CDK14: variants seen among roughly 807,000 people sequenced by gnomAD.
The protein encoded by CDK14 is cyclin dependent kinase 14.
A neutral mutation model predicts 60.7 loss-of-function variants in CDK14; 34 were observed. The ratio of observed to expected loss-of-function variants is 0.56; its 90% CI spans 0.43 to 0.75. The LOEUF is 0.75. Among genes scored for constraint, CDK14 ranks in the 30% least tolerant of loss-of-function variants. The pLI, the probability that CDK14 is intolerant of heterozygous loss-of-function variation, is 0.00. For synonymous variants in CDK14, 197 were observed against 203.7 expected (o/e 0.97, Z 0.28); for missense variants, 482 against 564.1 (o/e 0.85, Z 1.47).
intron 14 of CDK14, among the ~76,000 whole-genome samples, chr7:91,168,219 G>A (rs537325881): frequency 2.9e-4 from 42 of 147,352 alleles, no homozygotes; most frequent in African/African-American, 8.9e-4. Flanking sequence ...CCGAGACCAT[G>A]CCACTGCATT....
intron 4 of CDK14, among the ~76,000 whole-genome samples, chr7:90,785,445 G>A (rs1805536310): frequency 6.6e-6 from 1 of 152,154 alleles, no homozygotes; most frequent in African/African-American, 2.4e-5. Context: ...TAAGTGGGGA[G>A]TTTTCCTTTA....
intron 10 of CDK14, among the ~76,000 whole-genome samples, chr7:91,001,981 A>G (rs952053337): frequency 2.0e-5 from 3 of 152,228 alleles, no homozygotes; most frequent in Non-Finnish European, 4.4e-5. Flanking sequence ...AAGTTTATTT[A>G]AGGTAAATTC....
intron 10 of CDK14, among the ~76,000 whole-genome samples, chr7:91,036,828 G>T (rs1470045014): frequency 1.3e-5 from 2 of 152,176 alleles, no homozygotes; most frequent in African/African-American, 4.8e-5. Flanking sequence ...TTTTGACTGT[G>T]CATGGGGTTG....
At chr7:90,744,644 C>A in intron 3 of CDK14, among the ~76,000 whole-genome samples, 1 of 147,532 alleles carries the variant, frequency 6.8e-6, no homozygotes, top group South Asian at 2.1e-4. Flanking sequence ...CGGGGGCTGA[C>A]CCCCCCACCT....
At chr7:90,912,782 T>C (rs558883948) in intron 7 of CDK14, among the ~76,000 whole-genome samples, 9 of 152,040 alleles carry the variant, frequency 5.9e-5, no homozygotes, top group Non-Finnish European at 1.2e-4. Flanking sequence ...TAAGTTTTTC[T>C]ATTTTTTTTG....
At chr7:91,011,893 A>G (rs996318679) in intron 10 of CDK14, among the ~76,000 whole-genome samples, 1 of 152,006 alleles carries the variant, frequency 6.6e-6, no homozygotes, top group African/African-American at 2.4e-5. Flanking sequence ...AAAGTCTGTC[A>G]TCTTTGTCAT....
At chr7:90,822,694 A>G (rs757959462) in intron 5 of CDK14, among the ~76,000 whole-genome samples, 1 of 152,344 alleles carries the variant, frequency 6.6e-6, no homozygotes, top group East Asian at 1.9e-4. Flanking sequence ...CTACATTTAC[A>G]TACAATAAAA....
At chr7:90,788,435 C>T (rs1017605982) in intron 4 of CDK14, among the ~76,000 whole-genome samples, 3 of 152,126 alleles carry the variant, frequency 2.0e-5, no homozygotes, top group Non-Finnish European at 4.4e-5. Context: ...AGAGCACAAA[C>T]AGGATTAGAA....
At position 91,147,158 on chromosome 7, in the gene CDK14, TCTCTCACACACA is replaced by T. The variant is rs1260376761; in HGVS notation, c.*28+28952_*28+28963del. Among the ~76,000 whole-genome samples, 57 of 107,630 alleles carry T rather than the reference TCTCTCACACACA, an allele frequency of 5.3e-4. 1 individual carries two copies. The highest frequency in any genetic ancestry group is 1.8e-3 in the African/African-American group (56 of 31,396). 70.6% of individuals were successfully genotyped at this position (107,630 alleles called of 152,430 possible). The stretch of plus-strand genomic sequence containing the variant: ...CTCTCTCTGTCTCTCTCTCTCTCTC[TCTCTCACACACA>T]CACACACACACACACACACACACAC... On this transcript the variant is annotated intron_variant, in intron 14 of 14. Coordinates refer to ENST00000380050, the MANE Select transcript of CDK14 (RefSeq NM_001287135.2).
intron 5 of CDK14, among the ~76,000 whole-genome samples, chr7:90,817,269 T>G (rs1789388600): frequency 6.6e-6 from 1 of 152,176 alleles, no homozygotes; most frequent in Non-Finnish European, 1.5e-5. Flanking sequence ...CATTTATATA[T>G]TTTGGACACA....
intron 5 of CDK14, among the ~76,000 whole-genome samples, chr7:90,820,605 C>T (rs904284752): frequency 6.6e-6 from 1 of 152,146 alleles, no homozygotes; most frequent in Non-Finnish European, 1.5e-5. Context: ...AACTGTGAGT[C>T]AATTAAACCT....
chr7:90,680,983 T>C (rs1037390017), intron 2 of CDK14, among the ~76,000 whole-genome samples: 9 of 152,236 alleles, frequency 5.9e-5, no homozygotes, highest in African/African-American at 2.2e-4. Context: ...TTTTAATGGA[T>C]TCTGTAAAGA....
At chr7:90,817,871 C>G (rs1262404078) in intron 5 of CDK14, among the ~76,000 whole-genome samples, 1 of 152,088 alleles carries the variant, frequency 6.6e-6, no homozygotes, top group African/African-American at 2.4e-5. Flanking sequence ...TATGTTAATA[C>G]ATTTGGATTA....
chr7:90,656,985 C>T (rs1462561769), intron 2 of CDK14, among the ~76,000 whole-genome samples: 2 of 152,206 alleles, frequency 1.3e-5, no homozygotes, highest in East Asian at 3.9e-4. Context: ...CTGCTGACAC[C>T]AACAAGATCG....
chr7:90,852,125 A>G (rs931029804), intron 5 of CDK14, among the ~76,000 whole-genome samples: 3 of 152,104 alleles, frequency 2.0e-5, no homozygotes, highest in African/African-American at 4.8e-5. Flanking sequence ...CTGAACTCCT[A>G]AGCTCAAGCT....
intron 4 of CDK14, among the ~76,000 whole-genome samples, chr7:90,766,672 A>T (rs893108562): frequency 3.9e-5 from 6 of 152,148 alleles, no homozygotes; most frequent in African/African-American, 1.4e-4. Context: ...TGCCATGACT[A>T]TGCCAATTGT....
In CDK14 at chr7:91,207,318, T is replaced by A. The variant is rs1037566541; in HGVS notation, c.*182T>A. 1.3e-5 allele frequency: 2 copies of A among 152,224 alleles called. No homozygotes were observed. Among genetic ancestry groups the A allele is most frequent in the African/African-American group, 4.8e-5 (2 of 41,442 alleles). 9.4% of individuals were successfully genotyped at this position (152,224 alleles called of 1,614,324 possible). A position where few individuals can be genotyped will look rare whatever the true frequency, so the allele number is the denominator to read the frequency against. On this transcript the variant is annotated 3_prime_UTR_variant, in exon 15 of 15. Coordinates refer to ENST00000380050, the MANE Select transcript of CDK14 (RefSeq NM_001287135.2). ...GGCAAGACCCTGTTTTCTCTGCAAT[T>A]TATTTAAAACCTTGCACGCATTTGG...
intron 5 of CDK14, among the ~76,000 whole-genome samples, chr7:90,818,257 A>G (rs1195323516): frequency 6.6e-6 from 1 of 152,236 alleles, no homozygotes; most frequent in African/African-American, 2.4e-5. Context: ...GGAAAAATGG[A>G]TTAACCAGAT....
intron 2 of CDK14, among the ~76,000 whole-genome samples, chr7:90,672,536 T>TTTTTTTTA (rs1563039673): frequency 9.8e-6 from 1 of 101,754 alleles, no homozygotes; most frequent in Admixed American, 1.2e-4. Context: ...TTTTTTTTTT[T>TTTTTTTTA]AATAATTTGG....
Sources: gnomAD v4.1 joint callset for allele counts (sites outside exome capture counted in the v4.1 genomes callset) on GRCh38, gnomAD v4.1.1 for gene constraint, MANE v1.5 for transcripts, NCBI Gene and HGNC (gene_info 2026-07-23, HGNC 2026-07-21) for gene names.